The following ZNF527 variants were observed in gnomAD, a reference collection of about 807,000 sequenced individuals.
ZNF527 encodes the protein zinc finger protein 527.
Under a neutral mutation model 13.5 loss-of-function variants are expected in ZNF527, and 5 were observed. The observed-to-expected ratio is 0.37, with a 90% confidence interval of 0.19 to 0.78. The LOEUF (loss-of-function observed/expected upper bound fraction) is 0.78. Among genes scored for constraint, ZNF527 ranks in the 30% least tolerant of loss-of-function variants. ZNF527 has a pLI of 0.48. For missense variants in ZNF527, 628 were observed against 726.4 expected (o/e 0.86, Z 1.56); for synonymous variants, 209 against 243.1 (o/e 0.86, Z 1.30).
chr19:37,385,966 G>T (rs1397147200), intron 4 of ZNF527, among the ~76,000 whole-genome samples: 1 of 151,888 alleles, frequency 6.6e-6, no homozygotes, highest in African/African-American at 2.4e-5. Flanking sequence ...TTATTGAGAT[G>T]TATAAGATAG....
At chr19:37,386,216 C>T (rs937877633) in intron 4 of ZNF527, among the ~76,000 whole-genome samples, 3 of 129,492 alleles carry the variant, frequency 2.3e-5, no homozygotes, top group African/African-American at 6.1e-5. Context: ...GATCTTGGCT[C>T]ACTGCAACCT....
At chr19:37,378,226 C>G (rs2040623778) in intron 2 of ZNF527, among the ~76,000 whole-genome samples, 1 of 151,986 alleles carries the variant, frequency 6.6e-6, no homozygotes. Context: ...CGGAGTGTCA[C>G]CATTTTGGCC....
chr19:37,382,946 C>T (rs1384582654), intron 4 of ZNF527, among the ~76,000 whole-genome samples: 1 of 152,034 alleles, frequency 6.6e-6, no homozygotes, highest in Non-Finnish European at 1.5e-5. Flanking sequence ...ACCTCGTGAT[C>T]CGTGCCAGCC....
At chr19:37,385,888 T>C (rs1440281576) in intron 4 of ZNF527, among the ~76,000 whole-genome samples, 2 of 152,138 alleles carry the variant, frequency 1.3e-5, no homozygotes, top group African/African-American at 4.8e-5. Context: ...TTATCACTTG[T>C]AATCTGGCTT....
At position 37,391,746 on chromosome 19, in the gene ZNF527, G is replaced by T. The variant is rs1014754043; in HGVS notation, c.*1867G>T. 2 of 152,076 alleles carry T rather than the reference G, an allele frequency of 1.3e-5. No individual in the cohort carries two copies. Among genetic ancestry groups the T allele is most frequent in the African/African-American group, 4.8e-5 (2 of 41,432 alleles). The allele number at this position is 152,076 out of a possible 1,614,324, so 9.4% of individuals were successfully genotyped here. The stretch of plus-strand genomic sequence containing the variant: ...GCAGTTAATGCCTAAAATTTTTAGA[G>T]ACTAAATCATTTCCATTATTGGGAG... On this transcript the variant is annotated 3_prime_UTR_variant, in exon 5 of 5. Coordinates refer to ENST00000436120, the MANE Select transcript of ZNF527 (RefSeq NM_032453.2).
chr19:37,389,750 G>C lies in ZNF527; in HGVS notation c.1701G>C (p.Leu567Phe). 6.2e-7 allele frequency: 1 copy of C among 1,613,802 alleles called. No individual in the cohort carries two copies. Among genetic ancestry groups the C allele is most frequent in the Non-Finnish European group, 8.5e-7 (1 of 1,180,008 alleles). The part of the protein sequence containing the change: ...SECGKAFHQI[L>F]SLRLHQRIHA... Reference sequence around the variant, plus strand: ...GTGGGAAGGCTTTTCATCAGATCTTGTCCCTAAGACTACACCAGAGAATTC... The same window carrying C: ...GTGGGAAGGCTTTTCATCAGATCTTCTCCCTAAGACTACACCAGAGAATTC... The change falls in exon 5 of 5, where the codon TTG becomes TTC. Residue 567 changes from leucine (L) to phenylalanine (F), a missense_variant. By Grantham distance (22) the Leu-to-Phe change is conservative. Coordinates refer to ENST00000436120, the MANE Select transcript of ZNF527 (RefSeq NM_032453.2).
rs763144405 is a variant in ZNF527, at chr19:37,388,420, C to G, written c.371C>G (p.Ser124Cys). The change falls in exon 5 of 5, where the codon TCC (serine) becomes TGC (cysteine). Residue 124 changes from serine to cysteine, a missense_variant. By Grantham distance (112) the Ser-to-Cys change is moderately radical. Around this residue, in one of 3 missense-constraint regions of ZNF527, gnomAD observed 592 missense variants for 678.0 expected, o/e 0.87. Transcript: ENST00000436120. ...CTAGCAAGTCATGGCCTTGAATGCTCCAGTTTCAGAGAAGCCTGGAAATAT... is the reference window on the plus strand; with the variant it reads ...CTAGCAAGTCATGGCCTTGAATGCTGCAGTTTCAGAGAAGCCTGGAAATAT... Reference protein sequence around the residue: ...ERLASHGLECSSFREAWKYKG... With the variant: ...ERLASHGLECCSFREAWKYKG... The G allele has an allele frequency of 4.3e-6, 7 of 1,613,942 alleles. No homozygotes were observed. Among genetic ancestry groups the G allele is most frequent in the African/African-American group, 1.3e-5 (1 of 74,870 alleles).
At chr19:37,382,538 A>G (rs1016325609) in intron 4 of ZNF527, among the ~76,000 whole-genome samples, 4 of 152,066 alleles carry the variant, frequency 2.6e-5, no homozygotes, top group Non-Finnish European at 5.9e-5. Flanking sequence ...TATTTGTTCA[A>G]TTTTAGTATA....
chr19:37,382,547 T>A (rs552298360), intron 4 of ZNF527, among the ~76,000 whole-genome samples: 1 of 152,346 alleles, frequency 6.6e-6, no homozygotes, highest in South Asian at 2.1e-4. Flanking sequence ...AATTTTAGTA[T>A]ACACATAAAG....
chr19:37,383,939 G>T (rs1385994053), intron 4 of ZNF527, among the ~76,000 whole-genome samples: 1 of 152,128 alleles, frequency 6.6e-6, no homozygotes, highest in Non-Finnish European at 1.5e-5. Flanking sequence ...ATTTTAATAA[G>T]TGAAAGTCTA....
In ZNF527 at chr19:37,380,312, C is replaced by T; in HGVS notation, c.196C>T (p.Leu66=). Residue 66 remains leucine, a synonymous_variant, in exon 4 of 5, where the codon CTG becomes TTG. Transcript: ENST00000436120. ...SISKPNMISL[L]EQGKEPWMVE... The stretch of plus-strand genomic sequence containing the variant: ...TTCTAAGCCCAACATGATCTCCTTA[C>T]TGGAGCAAGGGAAGGAACCGTGGAT... The T allele has an allele frequency of 1.2e-6, 2 of 1,614,086 alleles. No homozygotes were observed. Among genetic ancestry groups the T allele is most frequent in the Non-Finnish European group, 1.7e-6 (2 of 1,179,988 alleles).
chr19:37,379,692 A>T (rs2040637338), intron 3 of ZNF527: 1 of 154,680 alleles, frequency 6.5e-6, no homozygotes, highest in South Asian at 2.0e-4. Flanking sequence ...CGAACTCCTG[A>T]CCTCAGATGA....
Position 37,380,278 on chromosome 19 carries a change from A to T in ZNF527, c.162A>T (p.Gly54=), listed in dbSNP as rs921798263. Residue 54 remains glycine (G), a splice_region_variant and synonymous_variant, in exon 4 of 5, where the codon GGA becomes GGT. Transcript: ENST00000436120. ...TCATTTTTCTTCCCCTGTGAACAGG[A>T]CTCTCCATTTCTAAGCCCAACATGA... ...LENYRNLVWL[G]LSISKPNMIS... is the part of the protein sequence containing the mutation. The T allele has an allele frequency of 4.3e-6, 7 of 1,613,714 alleles. No homozygotes were observed. Among genetic ancestry groups the T allele is most frequent in the African/African-American group, 1.3e-5 (1 of 74,876 alleles).
chr19:37,384,466 C>G (rs1263185646), intron 4 of ZNF527, among the ~76,000 whole-genome samples: 1 of 151,972 alleles, frequency 6.6e-6, no homozygotes, highest in African/African-American at 2.4e-5. Context: ...CCACTGGACT[C>G]CAGCCTAGGC....
In ZNF527 at chr19:37,389,209, A is replaced by C. The variant is rs756614981; in HGVS notation, c.1160A>C (p.Glu387Ala). 1 of 1,614,172 alleles carries C rather than the reference A, an allele frequency of 6.2e-7. No homozygotes were observed. The highest frequency in any genetic ancestry group is 1.1e-5 in the South Asian group (1 of 91,086). ...QRIHTGEKPY[E>A]CKECNKAFRQ... ...ATTCACACAGGTGAGAAACCATATG[A>C]ATGTAAAGAATGTAATAAAGCCTTC... Residue 387 changes from glutamate (E) to alanine (A), a missense_variant, in exon 5 of 5, where the codon GAA (glutamate) becomes GCA (alanine). Glu to Ala is a moderately radical substitution (Grantham distance 107, BLOSUM62 -1). Around this residue, in one of 3 missense-constraint regions of ZNF527, gnomAD observed 592 missense variants for 678.0 expected, o/e 0.87. Coordinates refer to ENST00000436120, the MANE Select transcript of ZNF527 (RefSeq NM_032453.2).
At chr19:37,382,940 C>T (rs549261954) in intron 4 of ZNF527, among the ~76,000 whole-genome samples, 5 of 152,206 alleles carry the variant, frequency 3.3e-5, no homozygotes, top group Middle Eastern at 3.4e-3. Flanking sequence ...CTCTTGACCT[C>T]GTGATCCGTG....
chr19:37,388,313 G>A lies in ZNF527; in HGVS notation c.264G>A (p.Glu88=), dbSNP rs764389389. 1.2e-6 allele frequency: 2 copies of A among 1,611,806 alleles called. No individual in the cohort carries two copies. The highest frequency in any genetic ancestry group is 2.7e-5 in the African/African-American group (2 of 74,872). The change falls in exon 5 of 5, where the codon GAG becomes GAA. Residue 88 remains glutamate (E), a synonymous_variant. Transcript: ENST00000436120. ...KMSQGHCADW[E]SWCEIEELSP... ...TTTCTTGATATTTTTCAGACTGGGA[G>A]TCTTGGTGTGAAATTGAGGAATTAT...
intron 2 of ZNF527, among the ~76,000 whole-genome samples, chr19:37,375,286 C>A (rs973191906): frequency 8.2e-6 from 1 of 122,682 alleles, no homozygotes; most frequent in South Asian, 2.7e-4. Flanking sequence ...TTCTTTCTTT[C>A]TTTCTTTCTT....
At position 37,391,052 on chromosome 19, in the gene ZNF527, G is replaced by T. The variant is rs2040748065; in HGVS notation, c.*1173G>T. ...TTCACCAAGTAAAATTCTTTAACAG[G>T]CTTCCCCTTAAGGAGTTAAAATCAT... On this transcript the variant is annotated 3_prime_UTR_variant, in exon 5 of 5. Coordinates refer to ENST00000436120, the MANE Select transcript of ZNF527 (RefSeq NM_032453.2). The T allele has an allele frequency of 6.6e-6, 1 of 152,064 alleles. No homozygotes were observed. The highest frequency in any genetic ancestry group is 1.5e-5 in the Non-Finnish European group (1 of 68,012). The allele number at this position is 152,064 out of a possible 1,614,324, so 9.4% of individuals were successfully genotyped here.
Sources: allele counts gnomAD v4.1 joint callset (sites outside exome capture counted in the v4.1 genomes callset), GRCh38; gene constraint gnomAD v4.1.1; regional missense constraint gnomAD v4.1.1; transcripts MANE v1.5; gene names NCBI Gene and HGNC (gene_info 2026-07-23, HGNC 2026-07-21).